Variants in GRM7 observed in about 807,000 individuals in gnomAD.
The protein encoded by GRM7 is glutamate metabotropic receptor 7, also known as metabotropic glutamate receptor 7.
A neutral mutation model predicts 84.5 loss-of-function variants in GRM7; 35 were observed. That is an observed-to-expected ratio of 0.41 (90% CI 0.32 to 0.55). GRM7 has a LOEUF of 0.55. Ranked by LOEUF, GRM7 falls within the 20% of genes least tolerant of loss-of-function variation. GRM7 has a pLI of 0.19. For missense variants in GRM7, 1,003 were observed against 1,194.6 expected (o/e 0.84, Z 2.36); for synonymous variants, 487 against 455.1 (o/e 1.07, Z -0.89).
At chr3:7,250,354 T>G (rs188840853) in intron 2 of GRM7, among the ~76,000 whole-genome samples, 18 of 151,226 alleles carry the variant, frequency 1.2e-4, no homozygotes, top group African/African-American at 2.9e-4. Flanking sequence ...GTGAAAGTAG[T>G]TTAAAGAGTG....
chr3:6,985,090 G>T (rs1463570808), intron 1 of GRM7, among the ~76,000 whole-genome samples: 1 of 151,670 alleles, frequency 6.6e-6, no homozygotes, highest in South Asian at 2.1e-4. Flanking sequence ...TTAAATTTTT[G>T]TAGGTACATA....
At chr3:7,316,316 T>C (rs1039110699) in intron 4 of GRM7, among the ~76,000 whole-genome samples, 1 of 152,084 alleles carries the variant, frequency 6.6e-6, no homozygotes, top group African/African-American at 2.4e-5. Context: ...AATAACCTGA[T>C]CTGTCTTATG....
At chr3:7,112,266 C>G (rs1692882667) in intron 1 of GRM7, among the ~76,000 whole-genome samples, 1 of 151,606 alleles carries the variant, frequency 6.6e-6, no homozygotes, top group Non-Finnish European at 1.5e-5. Context: ...ACTCTGTCAC[C>G]CAGGCTGGAG....
intron 2 of GRM7, among the ~76,000 whole-genome samples, chr3:7,150,086 T>TGAGA (rs370334123): frequency 2.0e-5 from 3 of 149,954 alleles, no homozygotes; most frequent in South Asian, 2.1e-4. Context: ...TGTGTGTGTG[T>TGAGA]GAGAGAGAGA....
chr3:7,676,743 C>T (rs1016848871), intron 8 of GRM7, among the ~76,000 whole-genome samples: 7 of 152,060 alleles, frequency 4.6e-5, no homozygotes, highest in African/African-American at 9.6e-5. Flanking sequence ...TATTTAGATA[C>T]ATAAATACCA....
At chr3:7,224,413 A>G (rs1696913614) in intron 2 of GRM7, among the ~76,000 whole-genome samples, 1 of 152,214 alleles carries the variant, frequency 6.6e-6, no homozygotes, top group African/African-American at 2.4e-5. Context: ...ATCACCTCCC[A>G]CAGGCCCCAC....
At chr3:7,494,690 A>G (rs74835010) in intron 7 of GRM7, among the ~76,000 whole-genome samples, 18,226 of 152,072 alleles carry the variant, frequency 0.12, 1,170 homozygotes, top group Non-Finnish European at 0.12. Flanking sequence ...TGTGTCCTCT[A>G]CTTTACAGAT....
chr3:7,247,747 A>G (rs1020633065), intron 2 of GRM7, among the ~76,000 whole-genome samples: 18 of 152,028 alleles, frequency 1.2e-4, no homozygotes. Context: ...ATAATGTTTT[A>G]TATATTAAAA....
At chr3:7,475,425 C>A (rs905559681) in intron 7 of GRM7, among the ~76,000 whole-genome samples, 1 of 152,112 alleles carries the variant, frequency 6.6e-6, no homozygotes, top group Admixed American at 6.6e-5. Context: ...TGTTGGTAGT[C>A]AGTTACCCGA....
chr3:7,513,651 G>T (rs1485925929), intron 7 of GRM7, among the ~76,000 whole-genome samples: 1 of 151,802 alleles, frequency 6.6e-6, no homozygotes, highest in Admixed American at 6.6e-5. Flanking sequence ...TGAGGTGATG[G>T]GTATTCTAAC....
intron 9 of GRM7, among the ~76,000 whole-genome samples, chr3:7,726,206 G>T (rs924197915): frequency 6.6e-6 from 1 of 151,906 alleles, no homozygotes; most frequent in African/African-American, 2.4e-5. Flanking sequence ...CCCCTTAGAG[G>T]CCTCTTCAGA....
chr3:6,934,411 C>A (rs1035329849), intron 1 of GRM7, among the ~76,000 whole-genome samples: 1 of 152,108 alleles, frequency 6.6e-6, no homozygotes, highest in Non-Finnish European at 1.5e-5. Flanking sequence ...CCTGCCCCAT[C>A]TCTTCATTAC....
intron 7 of GRM7, among the ~76,000 whole-genome samples, chr3:7,477,131 A>C (rs925090689): frequency 2.6e-5 from 4 of 152,174 alleles, no homozygotes; most frequent in Non-Finnish European, 4.4e-5. Flanking sequence ...TTTGGTACTA[A>C]CTTTTCTTTT....
At chr3:7,491,081 TTTCTA>T (rs1345333305) in intron 7 of GRM7, among the ~76,000 whole-genome samples, 1 of 151,964 alleles carries the variant, frequency 6.6e-6, no homozygotes, top group Non-Finnish European at 1.5e-5. Flanking sequence ...AATAAAAACA[TTTCTA>T]TAATATAATA....
chr3:7,716,510 T>C (rs556996269), intron 9 of GRM7, among the ~76,000 whole-genome samples: 7 of 152,138 alleles, frequency 4.6e-5, no homozygotes, highest in African/African-American at 1.2e-4. Context: ...TATTAACAAA[T>C]GGGAAAGCAT....
At chr3:7,015,066 T>C (rs1695514023) in intron 1 of GRM7, among the ~76,000 whole-genome samples, 2 of 152,130 alleles carry the variant, frequency 1.3e-5, no homozygotes, top group Non-Finnish European at 2.9e-5. Flanking sequence ...CAATCAGTGC[T>C]CTGTAAAATG....
In GRM7 at chr3:6,866,345, T is replaced by C. The variant is rs557856724; in HGVS notation, c.519+4438T>C. On this transcript the variant is annotated intron_variant, in intron 1 of 9. Transcript: ENST00000357716. ...GGCTTCATTTGCCTTATCTGCTTTT[T>C]TTTTTTTCTTTAAAAATGTAGTTTC... 7.2e-5 allele frequency among the ~76,000 whole-genome samples: 11 copies of C among 152,262 alleles called. No individual in the cohort carries two copies. The South Asian group carries it at 2.3e-3, about 32-fold the overall frequency.
At chr3:7,262,939 C>T (rs1226642422) in intron 2 of GRM7, among the ~76,000 whole-genome samples, 2 of 320 alleles carry the variant, frequency 6.3e-3, no homozygotes, top group Non-Finnish European at 0.011. Context: ...TACAGGTGAT[C>T]CACCCACCAT....
intron 8 of GRM7, among the ~76,000 whole-genome samples, chr3:7,591,022 A>G (rs1170522458): frequency 1.3e-5 from 2 of 152,222 alleles, no homozygotes; most frequent in Non-Finnish European, 2.9e-5. Context: ...GAAGAATGAA[A>G]GAAGGAATGA....
Sources: gnomAD v4.1 joint callset for allele counts (sites outside exome capture counted in the v4.1 genomes callset) on GRCh38, gnomAD v4.1.1 for gene constraint, MANE v1.5 for transcripts, NCBI Gene and HGNC (gene_info 2026-07-23, HGNC 2026-07-21) for gene names.